Variants in OXR1 observed in about 807,000 individuals in gnomAD.
OXR1 encodes the protein oxidation resistance 1, also known as oxidation resistance protein 1.
Under a neutral mutation model 104.6 loss-of-function variants are expected in OXR1, and 41 were observed. The ratio of observed to expected loss-of-function variants is 0.39; its 90% CI spans 0.31 to 0.51. The LOEUF is 0.51. Ranked by LOEUF, OXR1 falls within the 20% of genes least tolerant of loss-of-function variation. The pLI, the probability that OXR1 is intolerant of heterozygous loss-of-function variation, is 0.77. For missense variants in OXR1, 955 were observed against 1,031.9 expected (o/e 0.93, Z 1.02); for synonymous variants, 348 against 348.4 (o/e 1.00, Z 0.01).
At chr8:106,745,229 T>C (rs888539676) in intron 15 of OXR1, among the ~76,000 whole-genome samples, 6 of 152,230 alleles carry the variant, frequency 3.9e-5, no homozygotes, top group African/African-American at 1.2e-4. Context: ...TATTTAAGAA[T>C]ATTCATGTCT....
At chr8:106,339,510 AAAAAAAAAAAT>A (rs1815119121) in intron 1 of OXR1, among the ~76,000 whole-genome samples, 2 of 48,226 alleles carry the variant, frequency 4.1e-5, no homozygotes, top group African/African-American at 1.3e-4. Context: ...AAAAAAAAAA[AAAAAAAAAAAT>A]ATATATATAT....
intron 3 of OXR1, among the ~76,000 whole-genome samples, chr8:106,546,548 G>A (rs964531299): frequency 2.0e-5 from 3 of 152,136 alleles, no homozygotes; most frequent in Admixed American, 6.6e-5. Flanking sequence ...TGAGACCTTC[G>A]GTATTTAAAG....
chr8:106,337,201 T>A (rs991158539), intron 1 of OXR1, among the ~76,000 whole-genome samples: 2 of 152,154 alleles, frequency 1.3e-5, no homozygotes, highest in Non-Finnish European at 2.9e-5. Context: ...ATTTAATGAG[T>A]CAGAACAATT....
chr8:106,333,005 C>A (rs1814784676), intron 1 of OXR1, among the ~76,000 whole-genome samples: 1 of 152,032 alleles, frequency 6.6e-6, no homozygotes, highest in South Asian at 2.1e-4. Context: ...GAATAATATT[C>A]CATTGTGTGC....
intron 2 of OXR1, among the ~76,000 whole-genome samples, chr8:106,446,416 G>A (rs1317037905): frequency 3.3e-5 from 5 of 152,028 alleles, no homozygotes; most frequent in Admixed American, 6.6e-5. Context: ...TCAGGAGTCC[G>A]AGACCAGCCT....
chr8:106,395,914 A>T (rs1042438088), intron 2 of OXR1, among the ~76,000 whole-genome samples: 1 of 152,074 alleles, frequency 6.6e-6, no homozygotes, highest in African/African-American at 2.4e-5. Flanking sequence ...GAAGTGCTCA[A>T]AAAAAGAAAA....
chr8:106,683,307 G>A lies in OXR1; in HGVS notation c.411+1G>A, dbSNP rs1828361722. 2 of 1,454,976 alleles carry A rather than the reference G, an allele frequency of 1.4e-6. No individual in the cohort carries two copies. The highest frequency in any genetic ancestry group is 1.9e-6 in the Non-Finnish European group (2 of 1,037,182). 90.1% of individuals were successfully genotyped at this position (1,454,976 alleles called of 1,614,324 possible). On this transcript the variant is annotated splice_donor_variant, in intron 5 of 16. Coordinates refer to ENST00000517566, the MANE Select transcript of OXR1 (RefSeq NM_001198533.2). LOFTEE classifies it high-confidence loss of function. ...CTCCCGAGCAGTTGTTACTGGACAG[G>A]TAGTATCTTTTTTTTAATGTGCTGA...
At chr8:106,412,630 C>T (rs751929884) in intron 2 of OXR1, among the ~76,000 whole-genome samples, 1 of 151,982 alleles carries the variant, frequency 6.6e-6, no homozygotes, top group Admixed American at 6.6e-5. Context: ...GGATTTTAGA[C>T]CCAAAACTTT....
intron 1 of OXR1, among the ~76,000 whole-genome samples, chr8:106,339,939 T>C (rs1299975056): frequency 6.6e-6 from 1 of 152,174 alleles, no homozygotes; most frequent in East Asian, 1.9e-4. Context: ...TATATAAATG[T>C]GAATCAATAA....
chr8:106,654,954 A>G (rs868777878), intron 3 of OXR1, among the ~76,000 whole-genome samples: 1 of 152,356 alleles, frequency 6.6e-6, no homozygotes, highest in Middle Eastern at 3.4e-3. Flanking sequence ...TATATCTTAT[A>G]CAAAGTAATG....
chr8:106,590,286 T>C (rs1381804047), intron 3 of OXR1, among the ~76,000 whole-genome samples: 2 of 152,172 alleles, frequency 1.3e-5, no homozygotes, highest in Non-Finnish European at 2.9e-5. Flanking sequence ...TTGTTGTTGT[T>C]GTTGTTGTTG....
At chr8:106,471,085 G>A (rs1821466214) in intron 2 of OXR1, among the ~76,000 whole-genome samples, 1 of 151,572 alleles carries the variant, frequency 6.6e-6, no homozygotes, top group South Asian at 2.1e-4. Context: ...CACAGAAATG[G>A]GACTGTAGTG....
intron 2 of OXR1, among the ~76,000 whole-genome samples, chr8:106,388,576 C>T (rs1048667754): frequency 2.0e-5 from 3 of 152,170 alleles, no homozygotes; most frequent in African/African-American, 7.2e-5. Context: ...GTGCCCACCA[C>T]CACACCTGGC....
At chr8:106,743,097 G>GA (rs1352178896) in intron 15 of OXR1, among the ~76,000 whole-genome samples, 2 of 151,454 alleles carry the variant, frequency 1.3e-5, no homozygotes, top group South Asian at 2.1e-4. Context: ...AAATTTGCAA[G>GA]AAAAAAAACA....
intron 3 of OXR1, among the ~76,000 whole-genome samples, chr8:106,534,068 A>G (rs2130262798): frequency 6.6e-6 from 1 of 152,256 alleles, no homozygotes; most frequent in Non-Finnish European, 1.5e-5. Context: ...CCTGAAATCT[A>G]TTCCAAAGAA....
chr8:106,364,317 C>T (rs988499863), intron 2 of OXR1, among the ~76,000 whole-genome samples: 4 of 152,112 alleles, frequency 2.6e-5, no homozygotes, highest in African/African-American at 7.2e-5. Context: ...CAGTGGCTCA[C>T]GCCTGTAATC....
At chr8:106,725,669 G>A (rs1833265598) in intron 11 of OXR1, among the ~76,000 whole-genome samples, 1 of 150,052 alleles carries the variant, frequency 6.7e-6, no homozygotes, top group Non-Finnish European at 1.5e-5. Context: ...TAGCATATTG[G>A]CTTGGTTTTT....
At chr8:106,332,658 T>G (rs1814771658) in intron 1 of OXR1, among the ~76,000 whole-genome samples, 2 of 152,176 alleles carry the variant, frequency 1.3e-5, no homozygotes, top group South Asian at 4.1e-4. Context: ...TTTATACAAC[T>G]TTATACAACT....
At position 106,742,993 on chromosome 8, in the gene OXR1, A is replaced by G. The variant is rs377136098; in HGVS notation, c.2412+676A>G. ...CTGTACAGCAAAATAAACTATCATC[A>G]GAGTGAACAGACAGCCTACAGAATA... On this transcript the variant is annotated intron_variant, in intron 15 of 16. Transcript: ENST00000517566. Among the ~76,000 whole-genome samples the G allele has an allele frequency of 6.6e-4, 101 of 152,352 alleles. No individual in the cohort carries two copies. The South Asian group carries it at 0.012, about 18-fold the overall frequency.
Sources: gnomAD v4.1 joint callset for allele counts (sites outside exome capture counted in the v4.1 genomes callset) on GRCh38, gnomAD v4.1.1 for gene constraint, MANE v1.5 for transcripts, NCBI Gene and HGNC (gene_info 2026-07-23, HGNC 2026-07-21) for gene names.